ZCCHC17: variants seen among roughly 807,000 people sequenced by gnomAD.
ZCCHC17 encodes the protein zinc finger CCHC-type containing 17, also known as zinc finger CCHC domain-containing protein 17.
ZCCHC17 carries 18 observed loss-of-function variants against 30.6 expected under a neutral mutation model. That is an observed-to-expected ratio of 0.59 (90% CI 0.41 to 0.87). The LOEUF (loss-of-function observed/expected upper bound fraction) is 0.87, where lower values mean the gene tolerates loss of function less well. ZCCHC17 is among the 40% of genes least tolerant of loss of function. The probability of loss-of-function intolerance (pLI) is 0.00; values close to 1 mark genes in which losing one functional copy is unlikely to be tolerated. For synonymous variants in ZCCHC17, 88 were observed against 92.4 expected (o/e 0.95, Z 0.27); for missense variants, 263 against 284.2 (o/e 0.93, Z 0.54).
At chr1:31,350,742 G>C (rs1639439336) in intron 7 of ZCCHC17, among the ~76,000 whole-genome samples, 1 of 152,092 alleles carries the variant, frequency 6.6e-6, no homozygotes, top group Non-Finnish European at 1.5e-5. Flanking sequence ...TGGGACTACA[G>C]GCGCAAGCCA....
chr1:31,330,101 G>A (rs1638524531), intron 3 of ZCCHC17, among the ~76,000 whole-genome samples: 1 of 152,126 alleles, frequency 6.6e-6, no homozygotes. Flanking sequence ...GTGACCTTTT[G>A]TTTTGACATT....
chr1:31,306,129 C>T (rs1646450136), intron 1 of ZCCHC17, among the ~76,000 whole-genome samples: 1 of 152,032 alleles, frequency 6.6e-6, no homozygotes, highest in African/African-American at 2.4e-5. Context: ...TTTTTTTCTT[C>T]CTCACAATTT....
chr1:31,341,835 T>C (rs1639057656), intron 5 of ZCCHC17, among the ~76,000 whole-genome samples: 1 of 152,254 alleles, frequency 6.6e-6, no homozygotes, highest in Non-Finnish European at 1.5e-5. Context: ...GTCTAGTCTA[T>C]GGTAGACATA....
At chr1:31,338,118 C>T (rs915435446) in intron 4 of ZCCHC17, among the ~76,000 whole-genome samples, 4 of 150,736 alleles carry the variant, frequency 2.7e-5, no homozygotes, top group Admixed American at 6.6e-5. Context: ...TACAGGCACG[C>T]ACCACTAAAC....
Position 31,356,732 on chromosome 1 carries a change from A to ATAC in ZCCHC17, c.565-7299_565-7297dup, listed in dbSNP as rs1195371822. On this transcript the variant is annotated intron_variant, in intron 7 of 7. Transcript: ENST00000344147. ...CCTTCCCACGTCTTTTCATTAAAAC[A>ATAC]TACATGTATTGAATGCCTTTTCCCA... Among the ~76,000 whole-genome samples the ATAC allele has an allele frequency of 6.6e-5, 10 of 152,330 alleles. No homozygotes were observed. The South Asian group carries it at 1.7e-3, about 25-fold the overall frequency.
At chr1:31,344,754 G>A (rs1335476106) in intron 5 of ZCCHC17, among the ~76,000 whole-genome samples, 1 of 152,226 alleles carries the variant, frequency 6.6e-6, no homozygotes, top group African/African-American at 2.4e-5. Flanking sequence ...GCAACTCACA[G>A]CCACTTGAAA....
At chr1:31,309,740 A>G (rs1180058581) in intron 1 of ZCCHC17, among the ~76,000 whole-genome samples, 1 of 152,182 alleles carries the variant, frequency 6.6e-6, no homozygotes, top group Non-Finnish European at 1.5e-5. Context: ...CATACTTAAC[A>G]TCTTTTCCCA....
intron 3 of ZCCHC17, among the ~76,000 whole-genome samples, chr1:31,331,832 G>A (rs1395116779): frequency 1.3e-5 from 2 of 151,038 alleles, no homozygotes; most frequent in African/African-American, 2.4e-5. Flanking sequence ...GGATGCTCTC[G>A]ATCTCTTGAC....
chr1:31,314,356 G>A (rs1476286427), intron 2 of ZCCHC17, among the ~76,000 whole-genome samples: 1 of 149,910 alleles, frequency 6.7e-6, no homozygotes, highest in Non-Finnish European at 1.5e-5. Flanking sequence ...CGATAAATTG[G>A]AAAGAAGAAA....
Position 31,310,085 on chromosome 1 carries a change from A to C in ZCCHC17, c.-14A>C. On this transcript the variant is annotated 5_prime_UTR_variant, in exon 2 of 8. Coordinates refer to ENST00000344147, the MANE Select transcript of ZCCHC17 (RefSeq NM_016505.4). ...TTAATAGAAGAGAAATGGAGGAGCC[A>C]TAGAATATTAAGGATGAATTCAGGA... is the stretch of plus-strand genomic sequence containing the variant. 1.2e-6 allele frequency: 2 copies of C among 1,613,784 alleles called. No homozygotes were observed. The highest frequency in any genetic ancestry group is 1.7e-6 in the Non-Finnish European group (2 of 1,179,858).
At chr1:31,334,238 A>C (rs1423706439) in intron 3 of ZCCHC17, among the ~76,000 whole-genome samples, 2 of 151,816 alleles carry the variant, frequency 1.3e-5, no homozygotes, top group East Asian at 3.9e-4. Flanking sequence ...AGTGGCTCCC[A>C]GTAGGAGCTC....
intron 1 of ZCCHC17, among the ~76,000 whole-genome samples, chr1:31,306,599 A>G (rs1346306491): frequency 6.6e-6 from 1 of 152,090 alleles, no homozygotes; most frequent in Non-Finnish European, 1.5e-5. Flanking sequence ...AGTAACTGCA[A>G]CTGTGGAAAG....
chr1:31,339,487 G>A (rs1392883485), intron 5 of ZCCHC17, among the ~76,000 whole-genome samples: 1 of 152,162 alleles, frequency 6.6e-6, no homozygotes, highest in African/African-American at 2.4e-5. Context: ...CAGCCTGGAT[G>A]ACAGAGTGAG....
chr1:31,356,295 G>C (rs1639641961), intron 7 of ZCCHC17, among the ~76,000 whole-genome samples: 1 of 152,196 alleles, frequency 6.6e-6, no homozygotes, highest in Admixed American at 6.5e-5. Flanking sequence ...ATGCAGTGTA[G>C]TCAGGCCACC....
chr1:31,316,720 G>A (rs968045410), intron 2 of ZCCHC17, among the ~76,000 whole-genome samples: 2 of 152,100 alleles, frequency 1.3e-5, no homozygotes, highest in Non-Finnish European at 2.9e-5. Flanking sequence ...GCTCTACCTT[G>A]CCTTAATTTT....
intron 7 of ZCCHC17, among the ~76,000 whole-genome samples, chr1:31,357,595 T>A (rs1175464624): frequency 6.6e-6 from 1 of 152,126 alleles, no homozygotes; most frequent in African/African-American, 2.4e-5. Context: ...TTGACACAGA[T>A]AATAAACTGG....
chr1:31,322,433 A>G (rs1246879810), intron 3 of ZCCHC17, among the ~76,000 whole-genome samples: 1 of 152,188 alleles, frequency 6.6e-6, no homozygotes, highest in Non-Finnish European at 1.5e-5. Flanking sequence ...GAAAAATGCT[A>G]TAGTTACTAT....
At chr1:31,321,457 T>G (rs1646858642) in intron 3 of ZCCHC17, among the ~76,000 whole-genome samples, 1 of 152,214 alleles carries the variant, frequency 6.6e-6, no homozygotes, top group East Asian at 1.9e-4. Context: ...ATTAGCAGTG[T>G]AAGAACAGAC....
intron 2 of ZCCHC17, chr1:31,318,103 A>C: frequency 8.0e-7 from 1 of 1,244,978 alleles, no homozygotes; most frequent in South Asian, 1.4e-5. Flanking sequence ...TATAGTGAGT[A>C]TTCAGTATAT....
Sources: allele counts gnomAD v4.1 joint callset (sites outside exome capture counted in the v4.1 genomes callset), GRCh38; gene constraint gnomAD v4.1.1; transcripts MANE v1.5; gene names NCBI Gene and HGNC (gene_info 2026-07-23, HGNC 2026-07-21).